EVC2: variants seen among roughly 807,000 people sequenced by gnomAD.
EVC2 encodes limbin.
In EVC2, 148 loss-of-function variants were observed where a neutral mutation model predicts 149.3. That is an observed-to-expected ratio of 0.99 (90% CI 0.87 to 1.14). The LOEUF is 1.14. Ranked by LOEUF, EVC2 falls within the 50% of genes most tolerant of loss-of-function variation. EVC2 has a pLI of 0.00. For synonymous variants in EVC2, 776 were observed against 649.9 expected, an observed-to-expected ratio of 1.19 and a Z score of -2.95; for missense variants, 1,854 against 1,627.3, an observed-to-expected ratio of 1.14 and a Z score of -2.40.
In EVC2 at chr4:5,649,389, G is replaced by C. The variant is rs139347513; in HGVS notation, c.1146-8551C>G. On this transcript the variant is annotated intron_variant, in intron 9 of 21. Transcript: ENST00000344408. Reference sequence around the variant, plus strand: ...TACTAAATGTAAGCTATTAAAACTTGCCAATGATAACATCTTTCAAGGGAA... The same window carrying C: ...TACTAAATGTAAGCTATTAAAACTTCCCAATGATAACATCTTTCAAGGGAA... Among the ~76,000 whole-genome samples, 261 of 152,262 alleles carry C rather than the reference G, an allele frequency of 1.7e-3. 1 individual carries two copies. Among genetic ancestry groups the C allele is most frequent in the African/African-American group, 5.9e-3 (247 of 41,554 alleles).
chr4:5,579,869 C>T lies in EVC2; in HGVS notation c.3058-3415G>A, dbSNP rs1245510918. Among the ~76,000 whole-genome samples, 5 of 152,124 alleles carry T rather than the reference C, an allele frequency of 3.3e-5. No homozygotes were observed. In the East Asian group the frequency reaches 7.8e-4, roughly 24 times the overall value. On this transcript the variant is annotated intron_variant, in intron 17 of 21. Coordinates refer to ENST00000344408, the MANE Select transcript of EVC2 (RefSeq NM_147127.5). ...AACAAAGAAGAAGAAGAGGAAGATGCCAGGTGAGGCTTGGGAAAGTAAACA... is the reference window on the plus strand; with the variant it reads ...AACAAAGAAGAAGAAGAGGAAGATGTCAGGTGAGGCTTGGGAAAGTAAACA...
intron 16 of EVC2, among the ~76,000 whole-genome samples, chr4:5,591,507 C>T (rs1712796998): frequency 6.6e-6 from 1 of 152,170 alleles, no homozygotes; most frequent in African/African-American, 2.4e-5. Flanking sequence ...AGACCCAGAC[C>T]CCTGCAGAGG....
chr4:5,610,588 T>C (rs186905094), intron 16 of EVC2, among the ~76,000 whole-genome samples: 91 of 152,024 alleles, frequency 6.0e-4, no homozygotes, highest in Middle Eastern at 3.4e-3. Flanking sequence ...ATGTAAACCA[T>C]AGACATGAGC....
At chr4:5,619,948 C>G (rs1210582960) in intron 14 of EVC2, among the ~76,000 whole-genome samples, 2 of 152,218 alleles carry the variant, frequency 1.3e-5, no homozygotes, top group Non-Finnish European at 2.9e-5. Flanking sequence ...GAGTTATCAG[C>G]AGAACACCCA....
At chr4:5,656,203 C>A (rs539820848) in intron 9 of EVC2, among the ~76,000 whole-genome samples, 1 of 152,314 alleles carries the variant, frequency 6.6e-6, no homozygotes, top group Non-Finnish European at 1.5e-5. Context: ...CCTGGACCAA[C>A]CATTGCTGAT....
chr4:5,673,781 TAC>T (rs1350319935), intron 7 of EVC2, among the ~76,000 whole-genome samples: 2 of 152,256 alleles, frequency 1.3e-5, no homozygotes, highest in African/African-American at 4.8e-5. Context: ...AAGAATTGTT[TAC>T]AGAGTTTGAC....
intron 17 of EVC2, among the ~76,000 whole-genome samples, chr4:5,577,167 G>C (rs1722983510): frequency 6.6e-6 from 1 of 152,250 alleles, no homozygotes; most frequent in African/African-American, 2.4e-5. Flanking sequence ...GAGGCAGACA[G>C]AGTTAAATTA....
At chr4:5,593,971 G>A (rs913220598) in intron 16 of EVC2, among the ~76,000 whole-genome samples, 2 of 152,350 alleles carry the variant, frequency 1.3e-5, no homozygotes, top group African/African-American at 4.8e-5. Context: ...CTGATTGCTA[G>A]CACGGCAGTC....
chr4:5,548,011 CAG>C (rs1288422362), intron 21 of EVC2, among the ~76,000 whole-genome samples: 8 of 152,134 alleles, frequency 5.3e-5, no homozygotes, highest in Admixed American at 4.6e-4. Flanking sequence ...CACAGCCTCG[CAG>C]AGAGTCGGTG....
In EVC2 at chr4:5,567,229, G is replaced by A. The variant is rs971160963; in HGVS notation, c.3557+1215C>T. ...CTATACTGGGCCCCAAGGCCACTAG[G>A]AAGGCTCTTCGACACTGTGGCCTCC... On this transcript the variant is annotated intron_variant, in intron 20 of 21. Coordinates refer to ENST00000344408, the MANE Select transcript of EVC2 (RefSeq NM_147127.5). The surrounding 1 kb of genome is among the most constrained non-coding windows in gnomAD (Gnocchi z 4.4). Among the ~76,000 whole-genome samples, 2 of 152,088 alleles carry A rather than the reference G, an allele frequency of 1.3e-5. No individual in the cohort carries two copies. The highest frequency in any genetic ancestry group is 4.8e-5 in the African/African-American group (2 of 41,424).
intron 12 of EVC2, 137 bp from the exon 13 acceptor site, chr4:5,626,045 G>T: frequency 9.6e-7 from 1 of 1,040,088 alleles, no homozygotes; most frequent in Non-Finnish European, 1.4e-6. Flanking sequence ...AGAATTACAA[G>T]AATGGGCAGC....
chr4:5,636,159 C>T lies in EVC2; in HGVS notation c.1471-4127G>A, dbSNP rs1716879148. On this transcript the variant is annotated intron_variant, in intron 10 of 21. Coordinates refer to ENST00000344408, the MANE Select transcript of EVC2 (RefSeq NM_147127.5). This position sits in a 1 kb window ranked among gnomAD's most constrained non-coding sequence, Gnocchi z 4.6. ...GATGGGGAAAGGAGACCCAGGGTGACTGGGTAACGTGCCTACTGGAGGAAA... is the reference window on the plus strand; with the variant it reads ...GATGGGGAAAGGAGACCCAGGGTGATTGGGTAACGTGCCTACTGGAGGAAA... Among the ~76,000 whole-genome samples the T allele has an allele frequency of 6.6e-6, 1 of 152,158 alleles. No individual in the cohort carries two copies. Among genetic ancestry groups the T allele is most frequent in the Non-Finnish European group, 1.5e-5 (1 of 68,040 alleles).
At chr4:5,530,395 C>A in the EVC2 span, among the ~76,000 whole-genome samples, 1 of 152,146 alleles carries the variant, frequency 6.6e-6, no homozygotes, top group African/African-American at 2.4e-5. Flanking sequence ...TACCCCTTAT[C>A]TCTCTAGGAT....
chr4:5,533,855 C>G, the EVC2 span, among the ~76,000 whole-genome samples: 1 of 152,194 alleles, frequency 6.6e-6, no homozygotes, highest in African/African-American at 2.4e-5. Flanking sequence ...AGGAAATACA[C>G]AGAGAGCAGA....
intron 1 of EVC2, among the ~76,000 whole-genome samples, chr4:5,699,939 G>A (rs896479763): frequency 6.6e-6 from 1 of 152,102 alleles, no homozygotes; most frequent in Non-Finnish European, 1.5e-5. Flanking sequence ...TCAGGAGTTC[G>A]AGACCAGTCT....
chr4:5,593,954 A>T (rs909748057), intron 16 of EVC2, among the ~76,000 whole-genome samples: 1 of 152,196 alleles, frequency 6.6e-6, no homozygotes, highest in Admixed American at 6.5e-5. Flanking sequence ...ACACCCATGG[A>T]GTCTCGCTGA....
At chr4:5,620,854 G>C (rs1235387619) in intron 14 of EVC2, among the ~76,000 whole-genome samples, 1 of 152,210 alleles carries the variant, frequency 6.6e-6, no homozygotes, top group African/African-American at 2.4e-5. Context: ...TTGCTACGAA[G>C]AGTCCAAAGC....
chr4:5,549,978 T>G (rs551155583), intron 21 of EVC2, among the ~76,000 whole-genome samples: 23 of 152,324 alleles, frequency 1.5e-4, no homozygotes, highest in African/African-American at 5.3e-4. Context: ...CTGTCATCCA[T>G]GTAATATGTG....
the EVC2 span, among the ~76,000 whole-genome samples, chr4:5,535,601 A>AAGAGAGAG: frequency 2.9e-3 from 343 of 118,242 alleles, 3 homozygotes; most frequent in East Asian, 0.026. This position sits in a 1 kb window ranked among gnomAD's most constrained non-coding sequence, Gnocchi z 4.7. Flanking sequence ...CATGCTTAGA[A>AAGAGAGAG]AGAGAGAGAG....
Sources: allele counts gnomAD v4.1 joint callset (sites outside exome capture counted in the v4.1 genomes callset), GRCh38; gene constraint gnomAD v4.1.1; non-coding constraint Gnocchi (gnomAD v3.1); transcripts MANE v1.5; gene names NCBI Gene and HGNC (gene_info 2026-07-23, HGNC 2026-07-21).